The following STXBP4 variants were observed in gnomAD, a reference collection of about 807,000 sequenced individuals.
The protein encoded by STXBP4 is syntaxin-binding protein 4.
Under a neutral mutation model 76.1 loss-of-function variants are expected in STXBP4, and 55 were observed. That is an observed-to-expected ratio of 0.72 (90% confidence interval 0.58 to 0.91). The LOEUF (loss-of-function observed/expected upper bound fraction) is 0.91, where lower values mean the gene tolerates loss of function less well. STXBP4 is among the 40% of genes least tolerant of loss of function. The probability of loss-of-function intolerance (pLI) is 0.00; values close to 1 mark genes in which losing one functional copy is unlikely to be tolerated. For synonymous variants in STXBP4, 201 were observed against 220.2 expected (o/e 0.91, Z 0.77); for missense variants, 618 against 636.9 (o/e 0.97, Z 0.32).
At chr17:55,183,232 T>G in the STXBP4 span, among the ~76,000 whole-genome samples, 1 of 152,092 alleles carries the variant, frequency 6.6e-6, no homozygotes, top group Non-Finnish European at 1.5e-5. Flanking sequence ...TGTTGTAATC[T>G]CTCAATCAAC....
chr17:55,049,960 G>T (rs2078838213), intron 12 of STXBP4, among the ~76,000 whole-genome samples: 1 of 151,966 alleles, frequency 6.6e-6, no homozygotes, highest in African/African-American at 2.4e-5. Flanking sequence ...AATTGTTTCA[G>T]GGTATAAAAA....
chr17:55,063,225 A>G (rs1423764939), intron 12 of STXBP4, among the ~76,000 whole-genome samples: 1 of 152,234 alleles, frequency 6.6e-6, no homozygotes, highest in African/African-American at 2.4e-5. Flanking sequence ...AAAGGTGTCT[A>G]TTTCAAAATT....
At chr17:55,152,615 C>A (rs2080228635) in intron 17 of STXBP4, among the ~76,000 whole-genome samples, 1 of 152,056 alleles carries the variant, frequency 6.6e-6, no homozygotes, top group Admixed American at 6.6e-5. Flanking sequence ...AGAAGTGCAA[C>A]CAGAGGAAAT....
chr17:55,079,880 A>G (rs1293134566), intron 15 of STXBP4, among the ~76,000 whole-genome samples: 2 of 152,196 alleles, frequency 1.3e-5, no homozygotes, highest in African/African-American at 4.8e-5. Flanking sequence ...AAGAATATTT[A>G]TAATTCACTT....
At chr17:55,116,267 T>C (rs1456496505) in intron 16 of STXBP4, among the ~76,000 whole-genome samples, 2 of 151,866 alleles carry the variant, frequency 1.3e-5, no homozygotes, top group South Asian at 2.1e-4. Context: ...CATCGAAATA[T>C]GTTTTTGGTG....
At chr17:55,100,936 G>A (rs967227462) in intron 16 of STXBP4, among the ~76,000 whole-genome samples, 24 of 152,224 alleles carry the variant, frequency 1.6e-4, no homozygotes, top group East Asian at 5.8e-4. Context: ...GACAGTCTCC[G>A]GATGAATCCT....
intron 1 of STXBP4, among the ~76,000 whole-genome samples, chr17:54,972,967 A>G (rs1043837687): frequency 2.0e-5 from 3 of 152,202 alleles, no homozygotes; most frequent in Admixed American, 2.0e-4. Flanking sequence ...TATGCTGCCC[A>G]CTGGACACCA....
chr17:55,044,989 C>T (rs2078766339), intron 11 of STXBP4, among the ~76,000 whole-genome samples: 1 of 151,966 alleles, frequency 6.6e-6, no homozygotes, highest in South Asian at 2.1e-4. Context: ...TATTGATGGA[C>T]ATTAGACTAT....
chr17:55,199,863 A>C, the STXBP4 span, among the ~76,000 whole-genome samples: 1 of 152,110 alleles, frequency 6.6e-6, no homozygotes, highest in Non-Finnish European at 1.5e-5. Context: ...TCTCTCCTTT[A>C]GCTCATACAG....
At chr17:55,068,283 C>T (rs1300858760) in intron 12 of STXBP4, among the ~76,000 whole-genome samples, 1 of 152,194 alleles carries the variant, frequency 6.6e-6, no homozygotes, top group Admixed American at 6.5e-5. Context: ...GGTTACATTG[C>T]ACAAAAACAT....
intron 13 of STXBP4, among the ~76,000 whole-genome samples, chr17:55,076,613 T>C (rs1222831411): frequency 6.6e-6 from 1 of 152,194 alleles, no homozygotes; most frequent in Non-Finnish European, 1.5e-5. Context: ...AGTTTGACTA[T>C]GATGAATCAT....
Position 55,046,966 on chromosome 17 carries a change from G to C in STXBP4, c.946-123G>C, listed in dbSNP as rs549386292. On this transcript the variant is annotated intron_variant, in intron 11 of 17. Coordinates refer to ENST00000376352, the MANE Select transcript of STXBP4 (RefSeq NM_178509.6). ...TGTAAAGCCAGAAAAATGACTAGGA[G>C]CAATATTTTCAGATTGTAGCAATTT... is the stretch of plus-strand genomic sequence containing the variant. 267 of 558,362 alleles carry C rather than the reference G, an allele frequency of 4.8e-4. 1 individual carries two copies. The highest frequency in any genetic ancestry group is 7.6e-4 in the Non-Finnish European group (234 of 309,784). The allele number at this position is 558,362 out of a possible 1,614,324, so 34.6% of individuals were successfully genotyped here. A position where few individuals can be genotyped will look rare whatever the true frequency, so the allele number is the denominator to read the frequency against.
intron 10 of STXBP4, among the ~76,000 whole-genome samples, chr17:55,036,582 C>T (rs2078607468): frequency 6.6e-6 from 1 of 151,646 alleles, no homozygotes; most frequent in Non-Finnish European, 1.5e-5. Context: ...TCTAATGACA[C>T]CCTTTCTGAG....
In STXBP4 at chr17:54,986,173, A is replaced by T; in HGVS notation, c.-47A>T. On this transcript the variant is annotated 5_prime_UTR_variant, in exon 3 of 18. Transcript: ENST00000376352. ...AAGAATTTCTAGACTCTTCATCAAG[A>T]TCTTCATTTATACAGCTGTTAAATC... The T allele has an allele frequency of 5.4e-6, 8 of 1,487,164 alleles. No individual in the cohort carries two copies. Among genetic ancestry groups the T allele is most frequent in the Non-Finnish European group, 7.4e-6 (8 of 1,079,348 alleles). The allele number at this position is 1,487,164 out of a possible 1,614,324, so 92.1% of individuals were successfully genotyped here. A position where few individuals can be genotyped will look rare whatever the true frequency, so the allele number is the denominator to read the frequency against.
chr17:55,127,830 A>C (rs1835388905), intron 16 of STXBP4, among the ~76,000 whole-genome samples: 1 of 152,182 alleles, frequency 6.6e-6, no homozygotes, highest in South Asian at 2.1e-4. Context: ...ATTTTCAGAT[A>C]AACTTTTTTT....
intron 17 of STXBP4, among the ~76,000 whole-genome samples, chr17:55,158,378 C>G (rs946361116): frequency 1.3e-5 from 2 of 152,180 alleles, no homozygotes; most frequent in Non-Finnish European, 2.9e-5. Flanking sequence ...AGACATGATG[C>G]TGCTTCTGAG....
chr17:55,100,205 G>T (rs1473948845), intron 16 of STXBP4, among the ~76,000 whole-genome samples: 1 of 152,108 alleles, frequency 6.6e-6, no homozygotes, highest in Non-Finnish European at 1.5e-5. Context: ...ACTAAAGAGG[G>T]TGTGATTGTT....
At chr17:55,047,534 G>C (rs1437456308) in intron 12 of STXBP4, among the ~76,000 whole-genome samples, 2 of 150,794 alleles carry the variant, frequency 1.3e-5, no homozygotes, top group African/African-American at 4.9e-5. Flanking sequence ...GAACAAAAAA[G>C]TCATCAAGGC....
intron 16 of STXBP4, among the ~76,000 whole-genome samples, chr17:55,130,853 C>T (rs1055835890): frequency 6.6e-6 from 1 of 152,178 alleles, no homozygotes; most frequent in South Asian, 2.1e-4. Flanking sequence ...TGACAGAATC[C>T]TTTCCTGAGG....
Sources: gnomAD v4.1 joint callset for allele counts (sites outside exome capture counted in the v4.1 genomes callset) on GRCh38, gnomAD v4.1.1 for gene constraint, MANE v1.5 for transcripts, NCBI Gene and HGNC (gene_info 2026-07-23, HGNC 2026-07-21) for gene names.